PRELID3A: variants seen among roughly 807,000 people sequenced by gnomAD.
PRELID3A encodes the protein PRELI domain containing protein 3A.
A neutral mutation model predicts 23.0 loss-of-function variants in PRELID3A; 27 were observed. That is an observed-to-expected ratio of 1.17 (90% CI 0.87 to 1.62). The LOEUF (loss-of-function observed/expected upper bound fraction) is 1.62, where lower values mean the gene tolerates loss of function less well. PRELID3A is among the 40% of genes most tolerant of loss of function. PRELID3A has a pLI of 0.00. For missense variants in PRELID3A, 231 were observed against 231.4 expected, an observed-to-expected ratio of 1.00 and a Z score of 0.01; for synonymous variants, 87 against 86.4, an observed-to-expected ratio of 1.01 and a Z score of -0.04.
At chr18:12,421,137 A>G in intron 2 of PRELID3A, 1 of 184,444 alleles carries the variant, frequency 5.4e-6, no homozygotes, top group Non-Finnish European at 1.1e-5. Flanking sequence ...GGCCTGGCGC[A>G]GGCCTCTCAG....
At chr18:12,408,670 C>A (rs1160072965) in intron 1 of PRELID3A, among the ~76,000 whole-genome samples, 1 of 151,910 alleles carries the variant, frequency 6.6e-6, no homozygotes, top group Non-Finnish European at 1.5e-5. Flanking sequence ...ACAAGTATCG[C>A]ATGTTCCCAC....
Position 12,431,756 on chromosome 18 carries a change from G to A in PRELID3A, c.*640G>A, listed in dbSNP as rs1743835239. The A allele has an allele frequency of 6.6e-6, 1 of 152,268 alleles. No individual in the cohort carries two copies. Among genetic ancestry groups the A allele is most frequent in the Admixed American group, 6.5e-5 (1 of 15,290 alleles). The allele number at this position is 152,268 out of a possible 1,614,324, so 9.4% of individuals were successfully genotyped here. On this transcript the variant is annotated 3_prime_UTR_variant, in exon 7 of 7. Transcript: ENST00000440960. ...AGGCTCCTCATGCGGGGAGAGGGCTGGGGTCCAGGGGTTTCCCGGCCCTTT... is the reference window on the plus strand; with the variant it reads ...AGGCTCCTCATGCGGGGAGAGGGCTAGGGTCCAGGGGTTTCCCGGCCCTTT...
intron 1 of PRELID3A, among the ~76,000 whole-genome samples, chr18:12,411,307 A>G (rs1032130130): frequency 6.6e-6 from 1 of 151,724 alleles, no homozygotes; most frequent in Non-Finnish European, 1.5e-5. Context: ...AAAATAAAAA[A>G]AAAAAAAAAT....
At position 12,427,795 on chromosome 18, in the gene PRELID3A, AG is replaced by A. The variant is rs555679290; in HGVS notation, c.465+475del. On this transcript the variant is annotated intron_variant, in intron 5 of 6. Transcript: ENST00000440960. ...CATAATGCCACAGTATTTCAAAACTAGGGTAGGGAAAGGCTGACCCAGGTCT... is the reference window on the plus strand; with the variant it reads ...CATAATGCCACAGTATTTCAAAACTAGGTAGGGAAAGGCTGACCCAGGTCT... Among the ~76,000 whole-genome samples the A allele has an allele frequency of 3.7e-3, 556 of 152,304 alleles. 2 individuals carry two copies. Among genetic ancestry groups the A allele is most frequent in the Non-Finnish European group, 4.5e-3 (306 of 68,022 alleles).
In PRELID3A at chr18:12,420,499, CGGG is replaced by C; in HGVS notation, c.201+8_201+10del. On this transcript the variant is annotated splice_region_variant and intron_variant, in intron 2 of 6. Transcript: ENST00000440960. ...TGCCCAGCCTCGTGAGAGCGGTGAG[CGGG>C]GCGGGGGCTGCGGCTCCGAACGCGC... The C allele has an allele frequency of 6.6e-7, 1 of 1,525,540 alleles. No homozygotes were observed. Among genetic ancestry groups the C allele is most frequent in the Non-Finnish European group, 8.8e-7 (1 of 1,135,672 alleles). The allele number at this position is 1,525,540 out of a possible 1,614,324, so 94.5% of individuals were successfully genotyped here.
chr18:12,413,209 C>G, intron 1 of PRELID3A, among the ~76,000 whole-genome samples: 1 of 152,258 alleles, frequency 6.6e-6, no homozygotes, highest in Admixed American at 6.5e-5. Flanking sequence ...TGAGGCCTAG[C>G]GGGGGTAATC....
intron 6 of PRELID3A, among the ~76,000 whole-genome samples, chr18:12,430,344 C>A (rs933683863): frequency 2.1e-5 from 3 of 145,698 alleles, no homozygotes; most frequent in Admixed American, 6.9e-5. Flanking sequence ...GTGTGCTGTG[C>A]GTGGTATGTA....
rs549456152 is a variant in PRELID3A, at chr18:12,409,010, C to T, written c.32+1003C>T. 2.6e-5 allele frequency among the ~76,000 whole-genome samples: 4 copies of T among 152,100 alleles called. 1 individual carries two copies. In the South Asian group the frequency reaches 8.3e-4, roughly 32 times the overall value. On this transcript the variant is annotated intron_variant, in intron 1 of 6. Transcript: ENST00000440960. ...ATTCTTTAATGTTTATTTACAGCAACAAAGATTTTTTAATTATCTGACCTC... is the reference window on the plus strand; with the variant it reads ...ATTCTTTAATGTTTATTTACAGCAATAAAGATTTTTTAATTATCTGACCTC...
rs1180652020 is a variant in PRELID3A at position 12,409,312 on chromosome 18, G to GAGTC, written c.32+1305_32+1306insAGTC. Among the ~76,000 whole-genome samples, 4 of 151,854 alleles carry GAGTC rather than the reference G, an allele frequency of 2.6e-5. No homozygotes were observed. In the East Asian group the frequency reaches 7.7e-4, roughly 29 times the overall value. ...CTCCTGAGTAGCTGGGACTACAGGT[G>GAGTC]TGGGCCATCACGCCCGGCTAATTTT... is the stretch of plus-strand genomic sequence containing the variant. On this transcript the variant is annotated intron_variant, in intron 1 of 6. Transcript: ENST00000440960.
At chr18:12,408,341 C>T (rs900846942) in intron 1 of PRELID3A, among the ~76,000 whole-genome samples, 2 of 150,390 alleles carry the variant, frequency 1.3e-5, no homozygotes, top group African/African-American at 4.9e-5. Flanking sequence ...CGGCCGGAGC[C>T]GGGGGGGCGG....
intron 1 of PRELID3A, among the ~76,000 whole-genome samples, chr18:12,418,297 A>G (rs2030028759): frequency 6.6e-6 from 1 of 152,230 alleles, no homozygotes; most frequent in African/African-American, 2.4e-5. Context: ...ATAACCCACC[A>G]TAGAGGACTG....
rs1390520638 is a variant in PRELID3A, at chr18:12,426,425, G to A, written c.292-616G>A. On this transcript the variant is annotated intron_variant, in intron 3 of 6. Transcript: ENST00000440960. ...AAAAATTAGCTGGGCATGGTGGCAG[G>A]TGCCTGTAGTCCCAGCTACTCGGGA... is the stretch of plus-strand genomic sequence containing the variant. Among the ~76,000 whole-genome samples the A allele has an allele frequency of 1.1e-4, 16 of 149,252 alleles. 1 individual carries two copies. The East Asian group carries it at 2.8e-3, about 26-fold the overall frequency.
chr18:12,423,040 C>T (rs1229909170), intron 3 of PRELID3A, among the ~76,000 whole-genome samples: 2 of 152,118 alleles, frequency 1.3e-5, no homozygotes, highest in Non-Finnish European at 2.9e-5. Flanking sequence ...ATCTAGACAA[C>T]CCACATAGGT....
chr18:12,413,950 C>T (rs959882970), intron 1 of PRELID3A, among the ~76,000 whole-genome samples: 3 of 152,200 alleles, frequency 2.0e-5, no homozygotes, highest in Non-Finnish European at 4.4e-5. Flanking sequence ...TTCCTTGAAG[C>T]ACAGGCTTAC....
At chr18:12,418,597 T>C (rs1201288223) in intron 1 of PRELID3A, among the ~76,000 whole-genome samples, 2 of 152,242 alleles carry the variant, frequency 1.3e-5, no homozygotes, top group African/African-American at 4.8e-5. Context: ...CAAACCTCTC[T>C]GGGCACTTCT....
chr18:12,420,272 C>T, intron 1 of PRELID3A, 53 bp from the exon 2 acceptor site: 1 of 1,539,216 alleles, frequency 6.5e-7, no homozygotes, highest in Non-Finnish European at 8.8e-7. Flanking sequence ...CCCCTTCACC[C>T]TTGCGGCCCC....
chr18:12,430,652 CGT>C (rs1200379201), intron 6 of PRELID3A, among the ~76,000 whole-genome samples: 5 of 121,984 alleles, frequency 4.1e-5, no homozygotes, highest in Non-Finnish European at 8.4e-5. Context: ...TGGTATGTGT[CGT>C]GTGTGCATGT....
chr18:12,413,045 A>G (rs1185923560), intron 1 of PRELID3A, among the ~76,000 whole-genome samples: 1 of 152,172 alleles, frequency 6.6e-6, no homozygotes, highest in Non-Finnish European at 1.5e-5. Flanking sequence ...CCCCAGCCTC[A>G]CACAAACATG....
chr18:12,427,119 A>T lies in PRELID3A; in HGVS notation c.362+8A>T, dbSNP rs7228666. The stretch of plus-strand genomic sequence containing the variant: ...TCCAGAGAACCCAGAAATGTGAGTC[A>T]TCTCCTGTGGGATTGACACATTGAA... On this transcript the variant is annotated splice_region_variant and intron_variant, in intron 4 of 6. Coordinates refer to ENST00000440960, the MANE Select transcript of PRELID3A (RefSeq NM_001142405.2). 6.2e-7 allele frequency: 1 copy of T among 1,611,180 alleles called. No individual in the cohort carries two copies. The highest frequency in any genetic ancestry group is 8.5e-7 in the Non-Finnish European group (1 of 1,177,426).
Sources: gnomAD v4.1 joint callset for allele counts (sites outside exome capture counted in the v4.1 genomes callset) on GRCh38, gnomAD v4.1.1 for gene constraint, MANE v1.5 for transcripts, NCBI Gene and HGNC (gene_info 2026-07-23, HGNC 2026-07-21) for gene names.